Variants in RORB observed in about 807,000 individuals in gnomAD.
RORB encodes RAR related orphan receptor B.
In RORB, 6 loss-of-function variants were observed where a neutral mutation model predicts 59.1. The observed-to-expected ratio is 0.10, with a 90% CI of 0.06 to 0.20. The LOEUF (loss-of-function observed/expected upper bound fraction) is 0.20. RORB is among the 10% of genes least tolerant of loss of function. The pLI is 1.00. For missense variants in RORB, 320 were observed against 560.5 expected (o/e 0.57, Z 4.33); for synonymous variants, 215 against 204.5 (o/e 1.05, Z -0.44).
At chr9:74,532,938 A>G (rs1826269819) in intron 1 of RORB, among the ~76,000 whole-genome samples, 1 of 151,070 alleles carries the variant, frequency 6.6e-6, no homozygotes, top group South Asian at 2.1e-4. Flanking sequence ...AAAATCAGGA[A>G]ACTTTGCAAA....
chr9:74,670,110 A>G (rs1587416560), intron 8 of RORB, among the ~76,000 whole-genome samples: 1 of 152,194 alleles, frequency 6.6e-6, no homozygotes, highest in East Asian at 1.9e-4. Flanking sequence ...CCAGGCTTGG[A>G]AGCACAAAGA....
At chr9:74,593,422 C>T (rs1193360458) in intron 1 of RORB, among the ~76,000 whole-genome samples, 1 of 146,326 alleles carries the variant, frequency 6.8e-6, no homozygotes, top group East Asian at 2.0e-4. Flanking sequence ...GCCGAGATCA[C>T]ACCGTTGCAC....
intron 8 of RORB, 68 bp from the exon 9 acceptor site, chr9:74,671,721 C>G (rs1196309312): frequency 1.1e-6 from 1 of 881,780 alleles, no homozygotes; most frequent in Non-Finnish European, 1.8e-6. Flanking sequence ...AAGCTTGGCA[C>G]TTATGTATGT....
intron 1 of RORB, among the ~76,000 whole-genome samples, chr9:74,578,741 A>G (rs574377710): frequency 4.6e-5 from 7 of 152,232 alleles, no homozygotes; most frequent in African/African-American, 1.7e-4. Flanking sequence ...AAAATGGTAC[A>G]AGACTTTAGT....
chr9:74,566,728 T>C (rs1163586858), intron 1 of RORB, among the ~76,000 whole-genome samples: 1 of 152,042 alleles, frequency 6.6e-6, no homozygotes, highest in African/African-American at 2.4e-5. Context: ...ATCCAGGAGG[T>C]GGAGGTTGCA....
chr9:74,591,979 T>C (rs1213122221), intron 1 of RORB, among the ~76,000 whole-genome samples: 2 of 151,964 alleles, frequency 1.3e-5, no homozygotes, highest in Non-Finnish European at 1.5e-5. Flanking sequence ...AGAGAGAGGA[T>C]GATTGCTTGT....
chr9:74,682,339 T>C (rs1824560849), intron 9 of RORB, among the ~76,000 whole-genome samples: 1 of 150,662 alleles, frequency 6.6e-6, no homozygotes, highest in African/African-American at 2.4e-5. Context: ...TGTTAAATGA[T>C]GAGTTACTGG....
At chr9:74,544,105 C>T (rs796575969) in intron 1 of RORB, among the ~76,000 whole-genome samples, 3 of 152,246 alleles carry the variant, frequency 2.0e-5, no homozygotes, top group African/African-American at 7.2e-5. Context: ...TACCTTTTCA[C>T]TTTCTTATTT....
At chr9:74,568,931 A>G (rs1822509451) in intron 1 of RORB, among the ~76,000 whole-genome samples, 1 of 152,154 alleles carries the variant, frequency 6.6e-6, no homozygotes, top group South Asian at 2.1e-4. Flanking sequence ...AAATATTAAA[A>G]ATCATACACT....
At chr9:74,512,481 C>T (rs1468470363) in intron 1 of RORB, among the ~76,000 whole-genome samples, 1 of 152,170 alleles carries the variant, frequency 6.6e-6, no homozygotes, top group Non-Finnish European at 1.5e-5. Flanking sequence ...TTAGTACTAA[C>T]ACCCCTAATA....
rs114645487 is a variant in RORB at position 74,660,511 on chromosome 9, T to C, written c.638-106T>C. 6.8e-4 allele frequency: 636 copies of C among 928,702 alleles called. No homozygotes were observed. The African/African-American group carries it at 9.2e-3, about 13-fold the overall frequency. 57.5% of individuals were successfully genotyped at this position (928,702 alleles called of 1,614,324 possible). A position where few individuals can be genotyped will look rare whatever the true frequency, so the allele number is the denominator to read the frequency against. On this transcript the variant is annotated intron_variant, in intron 4 of 9. Coordinates refer to ENST00000376896, the MANE Select transcript of RORB (RefSeq NM_006914.4). ...GATAGCAATGTTAAAGACACTTTAA[T>C]ACAATAGGAGTATCTCCAAAAGGCA...
chr9:74,574,418 A>C (rs1279544763), intron 1 of RORB, among the ~76,000 whole-genome samples: 1 of 152,144 alleles, frequency 6.6e-6, no homozygotes, highest in East Asian at 1.9e-4. Flanking sequence ...TCTCCATTTT[A>C]CCTCACAGAT....
At chr9:74,659,461 TTC>T in intron 4 of RORB, among the ~76,000 whole-genome samples, 1 of 152,166 alleles carries the variant, frequency 6.6e-6, no homozygotes, top group Non-Finnish European at 1.5e-5. Context: ...TCTAGCCACC[TTC>T]AGGGGACTCA....
intron 1 of RORB, among the ~76,000 whole-genome samples, chr9:74,592,050 A>G (rs1822906069): frequency 6.6e-6 from 1 of 152,190 alleles, no homozygotes; most frequent in South Asian, 2.1e-4. Context: ...AATAGGAAGT[A>G]GATGACTGTT....
chr9:74,681,040 T>C (rs1438305130), intron 9 of RORB, among the ~76,000 whole-genome samples: 1 of 152,178 alleles, frequency 6.6e-6, no homozygotes, highest in East Asian at 1.9e-4. Flanking sequence ...AAGAAATGCT[T>C]GTCATAAGAA....
intron 1 of RORB, among the ~76,000 whole-genome samples, chr9:74,629,663 T>C (rs1823583345): frequency 6.6e-6 from 1 of 152,188 alleles, no homozygotes; most frequent in African/African-American, 2.4e-5. Flanking sequence ...CTCCATGTAT[T>C]AATTTCATTA....
chr9:74,661,309 T>C (rs1263605549), intron 5 of RORB, among the ~76,000 whole-genome samples: 1 of 152,194 alleles, frequency 6.6e-6, no homozygotes, highest in Admixed American at 6.5e-5. Flanking sequence ...TTACATTACA[T>C]TACTTTGGGA....
chr9:74,542,710 C>G (rs552390850), intron 1 of RORB, among the ~76,000 whole-genome samples: 1 of 152,320 alleles, frequency 6.6e-6, no homozygotes, highest in South Asian at 2.1e-4. Context: ...GTGGCTAACT[C>G]TACTCAAGAT....
At chr9:74,571,255 A>G (rs1822546530) in intron 1 of RORB, among the ~76,000 whole-genome samples, 1 of 152,152 alleles carries the variant, frequency 6.6e-6, no homozygotes, top group South Asian at 2.1e-4. Context: ...CACCTAAACC[A>G]TGACTAAATC....
Sources: allele counts gnomAD v4.1 joint callset (sites outside exome capture counted in the v4.1 genomes callset), GRCh38; gene constraint gnomAD v4.1.1; transcripts MANE v1.5; gene names NCBI Gene and HGNC (gene_info 2026-07-23, HGNC 2026-07-21).